Variants in REPS1 observed in about 807,000 individuals in gnomAD.
REPS1 encodes RALBP1 associated Eps domain containing 1.
Under a neutral mutation model 100.9 loss-of-function variants are expected in REPS1, and 39 were observed. The ratio of observed to expected loss-of-function variants is 0.39; its 90% CI spans 0.30 to 0.50. The LOEUF (loss-of-function observed/expected upper bound fraction) is 0.50. Among genes scored for constraint, REPS1 ranks in the 20% least tolerant of loss-of-function variants. The probability of loss-of-function intolerance (pLI) is 0.86; values close to 1 mark genes in which losing one functional copy is unlikely to be tolerated. For synonymous variants in REPS1, 324 were observed against 340.3 expected (o/e 0.95, Z 0.53); for missense variants, 821 against 968.5 (o/e 0.85, Z 2.02).
At chr6:138,948,006 A>G in intron 1 of REPS1, 93 bp from the exon 2 acceptor site, 3 of 1,130,278 alleles carry the variant, frequency 2.7e-6, no homozygotes, top group Non-Finnish European at 3.7e-6. Context: ...ACGTCTCAAA[A>G]TATCTATCTA....
At chr6:138,962,782 A>G (rs1217847889) in intron 1 of REPS1, among the ~76,000 whole-genome samples, 5 of 152,204 alleles carry the variant, frequency 3.3e-5, no homozygotes, top group Non-Finnish European at 7.3e-5. Context: ...ATGAGAGTCC[A>G]GAGAATAAGG....
intron 1 of REPS1, among the ~76,000 whole-genome samples, chr6:138,969,763 T>C (rs1246806420): frequency 6.6e-6 from 1 of 151,832 alleles, no homozygotes; most frequent in Non-Finnish European, 1.5e-5. Flanking sequence ...TAAATATATG[T>C]CAAATAGCTT....
intron 1 of REPS1, among the ~76,000 whole-genome samples, chr6:138,976,636 A>G (rs1784616968): frequency 6.6e-6 from 1 of 152,200 alleles, no homozygotes; most frequent in African/African-American, 2.4e-5. Flanking sequence ...ATCTGAGTTA[A>G]GTGTACAAAA....
chr6:138,962,555 C>T (rs962643695), intron 1 of REPS1, among the ~76,000 whole-genome samples: 4 of 152,096 alleles, frequency 2.6e-5, no homozygotes, highest in Admixed American at 2.6e-4. Context: ...TCAGTACAGC[C>T]CTTAAATACA....
At chr6:138,954,129 T>G (rs1482633296) in intron 1 of REPS1, among the ~76,000 whole-genome samples, 5 of 148,934 alleles carry the variant, frequency 3.4e-5, no homozygotes, top group African/African-American at 7.4e-5. Flanking sequence ...AAAAAAAAAG[T>G]TGATCTCATA....
intron 17 of REPS1, 119 bp downstream of exon 17, chr6:138,911,157 A>C: frequency 3.0e-6 from 2 of 674,422 alleles, no homozygotes; most frequent in East Asian, 2.8e-5. Flanking sequence ...TAGACTGACT[A>C]TACTACAGTT....
intron 15 of REPS1, among the ~76,000 whole-genome samples, chr6:138,913,156 AGAT>A (rs1780123982): frequency 6.6e-6 from 1 of 152,212 alleles, no homozygotes; most frequent in African/African-American, 2.4e-5. Context: ...AAAAAAATTA[AGAT>A]GATAAACCTC....
chr6:138,929,969 T>C lies in REPS1; in HGVS notation c.1257+8A>G, dbSNP rs1295772726. 1.5e-5 allele frequency: 24 copies of C among 1,612,346 alleles called. No homozygotes were observed. The highest frequency in any genetic ancestry group is 2.0e-5 in the Non-Finnish European group (24 of 1,178,840). On this transcript the variant is annotated splice_region_variant and intron_variant, in intron 9 of 19. Transcript: ENST00000450536. ...CTTTTAATGAAAGAAAAGGAAAGCTTTGCTAACCTCACTGCTCTGATTCAG... is the reference window on the plus strand; with the variant it reads ...CTTTTAATGAAAGAAAAGGAAAGCTCTGCTAACCTCACTGCTCTGATTCAG...
intron 16 of REPS1, 148 bp from the exon 17 acceptor site, chr6:138,911,519 A>T (rs1451404877): frequency 1.6e-5 from 10 of 626,934 alleles, no homozygotes; most frequent in Admixed American, 5.7e-5. Flanking sequence ...ACTTTATTAA[A>T]TGAGCCTTCT....
chr6:138,955,742 T>G (rs772404731), intron 1 of REPS1, among the ~76,000 whole-genome samples: 4 of 152,124 alleles, frequency 2.6e-5, no homozygotes, highest in African/African-American at 9.7e-5. Context: ...ACTTAACACC[T>G]GTACAGATCA....
intron 8 of REPS1, among the ~76,000 whole-genome samples, chr6:138,937,969 G>GAGT (rs1781969211): frequency 6.6e-6 from 1 of 151,558 alleles, no homozygotes. Flanking sequence ...TTAAAATGTA[G>GAGT]AGTACCTCAA....
chr6:138,988,205 C>T lies in REPS1; in HGVS notation c.-523G>A, dbSNP rs1179416019. On this transcript the variant is annotated 5_prime_UTR_variant, in exon 1 of 20. It removes an upstream start codon present in the reference 5' UTR. Transcript: ENST00000450536. ...CCGCCGCTCCGCCTCCCTCCGCCGCCATTTACAGTGCCCCGGCCCGGCCCC... is the reference window on the plus strand; with the variant it reads ...CCGCCGCTCCGCCTCCCTCCGCCGCTATTTACAGTGCCCCGGCCCGGCCCC... 13 of 398,466 alleles carry T rather than the reference C, an allele frequency of 3.3e-5. No individual in the cohort carries two copies. The highest frequency in any genetic ancestry group is 2.6e-4 in the Admixed American group (6 of 22,702). The allele number at this position is 398,466 out of a possible 1,614,324, so 24.7% of individuals were successfully genotyped here.
At chr6:138,938,637 A>G (rs1044417745) in intron 8 of REPS1, among the ~76,000 whole-genome samples, 1 of 151,776 alleles carries the variant, frequency 6.6e-6, no homozygotes, top group Non-Finnish European at 1.5e-5. Flanking sequence ...GTGATGGGGG[A>G]AAAAAAACAA....
intron 8 of REPS1, among the ~76,000 whole-genome samples, chr6:138,938,159 G>C (rs1648640439): frequency 1.3e-5 from 2 of 152,198 alleles, no homozygotes; most frequent in South Asian, 4.1e-4. Flanking sequence ...GTTAAATTCA[G>C]TGCTGATGTT....
At chr6:138,985,512 C>G (rs1403575069) in intron 1 of REPS1, among the ~76,000 whole-genome samples, 2 of 152,182 alleles carry the variant, frequency 1.3e-5, no homozygotes, top group Non-Finnish European at 2.9e-5. Flanking sequence ...ATCCCAAACT[C>G]CCTTAAGGGA....
At chr6:138,984,381 C>A (rs1785137898) in intron 1 of REPS1, among the ~76,000 whole-genome samples, 1 of 152,160 alleles carries the variant, frequency 6.6e-6, no homozygotes, top group African/African-American at 2.4e-5. Flanking sequence ...CTGTGCCCGG[C>A]CCATATCTGA....
Position 138,987,986 on chromosome 6 carries a change from C to G in REPS1, c.-304G>C, listed in dbSNP as rs1785379765. The G allele has an allele frequency of 7.7e-6, 3 of 391,932 alleles. No homozygotes were observed. Among genetic ancestry groups the G allele is most frequent in the Non-Finnish European group, 9.0e-6 (2 of 221,952 alleles). 24.3% of individuals were successfully genotyped at this position (391,932 alleles called of 1,614,324 possible). A position where few individuals can be genotyped will look rare whatever the true frequency, so the allele number is the denominator to read the frequency against. On this transcript the variant is annotated 5_prime_UTR_variant, in exon 1 of 20. Transcript: ENST00000450536. ...CGCGGGGAGGGTGCAGAGAAAGAGG[C>G]GGGGGCCGCGGAGGCGCGAGGCACT...
intron 8 of REPS1, among the ~76,000 whole-genome samples, chr6:138,939,296 G>A (rs1477858700): frequency 6.6e-6 from 1 of 152,104 alleles, no homozygotes; most frequent in East Asian, 1.9e-4. Flanking sequence ...AACTATCTGG[G>A]TCTGTGATAC....
intron 1 of REPS1, among the ~76,000 whole-genome samples, chr6:138,962,363 G>GA (rs201492976): frequency 0.011 from 1,586 of 149,486 alleles, 22 homozygotes; most frequent in African/African-American, 0.037. Context: ...TGGATGCCCA[G>GA]AAAAAAAAAT....
Sources: allele counts gnomAD v4.1 joint callset (sites outside exome capture counted in the v4.1 genomes callset), GRCh38; gene constraint gnomAD v4.1.1; transcripts MANE v1.5; gene names NCBI Gene and HGNC (gene_info 2026-07-23, HGNC 2026-07-21).